Variants in PARD6G observed in about 807,000 individuals in gnomAD.
The protein encoded by PARD6G is partitioning defective 6 homolog gamma.
Under a neutral mutation model 10.7 loss-of-function variants are expected in PARD6G, and 7 were observed. The observed-to-expected ratio is 0.66, with a 90% CI of 0.37 to 1.23. The LOEUF is 1.23. Among genes scored for constraint, PARD6G ranks in the 50% most tolerant of loss-of-function variants. The pLI is 0.02. For missense variants in PARD6G, 548 were observed against 571.8 expected, an observed-to-expected ratio of 0.96 and a Z score of 0.42; for synonymous variants, 287 against 269.4, an observed-to-expected ratio of 1.07 and a Z score of -0.64.
rs142452881 is a variant in PARD6G at position 80,173,556 on chromosome 18, C to T, written c.296-12950G>A. 2.6e-3 allele frequency among the ~76,000 whole-genome samples: 394 copies of T among 151,878 alleles called. 10 individuals carry two copies. The highest frequency in any genetic ancestry group is 0.02 in the Admixed American group (303 of 15,224). The stretch of plus-strand genomic sequence containing the variant: ...AGGAAAATCGCTTGAACCCAGGAGG[C>T]GGAGGTTGCAGTGAGCCGAGATTGT... On this transcript the variant is annotated intron_variant, in intron 2 of 2. Coordinates refer to ENST00000353265, the MANE Select transcript of PARD6G (RefSeq NM_032510.4).
At chr18:80,178,658 G>A (rs2052830443) in intron 2 of PARD6G, among the ~76,000 whole-genome samples, 1 of 152,178 alleles carries the variant, frequency 6.6e-6, no homozygotes, top group Admixed American at 6.5e-5. Flanking sequence ...CACCCCAGAT[G>A]GTTCCTGCCA....
In PARD6G at chr18:80,208,457, C is replaced by T. The variant is rs148649669; in HGVS notation, c.73-5525G>A. Reference sequence around the variant, plus strand: ...ATTGTTTTTCATGTGGGTGTTTGTTCGTATAGCAGGACTTACAACAGGACG... The same window carrying T: ...ATTGTTTTTCATGTGGGTGTTTGTTTGTATAGCAGGACTTACAACAGGACG... On this transcript the variant is annotated intron_variant, in intron 1 of 2. Transcript: ENST00000353265. Among the ~76,000 whole-genome samples, 805 of 152,230 alleles carry T rather than the reference C, an allele frequency of 5.3e-3. 5 individuals carry two copies. The highest frequency in any genetic ancestry group is 0.01 in the Middle Eastern group (3 of 294).
rs549368499 is a variant in PARD6G, at chr18:80,159,562, A to T, written c.*209T>A. ...AGACCTGCACTCAGGCCTGGTATAG[A>T]GTGTCTCTACAGGCGTTCATTTTAA... On this transcript the variant is annotated 3_prime_UTR_variant, in exon 3 of 3. Transcript: ENST00000353265. 2.9e-6 allele frequency: 2 copies of T among 698,670 alleles called. No individual in the cohort carries two copies. The highest frequency in any genetic ancestry group is 5.7e-5 in the South Asian group (1 of 17,470). The allele number at this position is 698,670 out of a possible 1,614,324, so 43.3% of individuals were successfully genotyped here.
At position 80,202,777 on chromosome 18, in the gene PARD6G, A is replaced by G; in HGVS notation, c.228T>C (p.Asn76=). Residue 76 remains asparagine, a synonymous_variant, in exon 2 of 3, where the codon AAT becomes AAC. Transcript: ENST00000353265. ...DVHGDLLPIN[N]DDNFCKAVSS... is the part of the protein sequence containing the mutation. ...AAACCGCCTTGCAGAAGTTGTCATC[A>G]TTGTTGATGGGCAGCAGGTCTCCGT... The G allele has an allele frequency of 1.2e-6, 2 of 1,613,978 alleles. No individual in the cohort carries two copies. The highest frequency in any genetic ancestry group is 4.5e-5 in the East Asian group (2 of 44,870).
chr18:80,172,140 A>C lies in PARD6G; in HGVS notation c.296-11534T>G, dbSNP rs1317534156. Among the ~76,000 whole-genome samples, 3 of 152,114 alleles carry C rather than the reference A, an allele frequency of 2.0e-5. No homozygotes were observed. In the South Asian group the frequency reaches 6.2e-4, roughly 31 times the overall value. ...TTCTACAGCGGTTGAAACATTTTCT[A>C]TTCCCCCCAGCAGTTCTGAGGGTTA... On this transcript the variant is annotated intron_variant, in intron 2 of 2. Coordinates refer to ENST00000353265, the MANE Select transcript of PARD6G (RefSeq NM_032510.4).
At chr18:80,222,175 C>T (rs1288388362) in intron 1 of PARD6G, among the ~76,000 whole-genome samples, 3 of 152,052 alleles carry the variant, frequency 2.0e-5, no homozygotes, top group Admixed American at 6.5e-5. Context: ...GCCTCAACCT[C>T]CTGGGCTCAA....
chr18:80,216,005 T>G (rs1967161740), intron 1 of PARD6G, among the ~76,000 whole-genome samples: 3 of 152,094 alleles, frequency 2.0e-5, no homozygotes, highest in African/African-American at 7.2e-5. Context: ...AAAATAGACT[T>G]TAATGCAAGA....
chr18:80,193,842 A>G (rs891655097), intron 2 of PARD6G, among the ~76,000 whole-genome samples: 1 of 152,076 alleles, frequency 6.6e-6, no homozygotes, highest in Non-Finnish European at 1.5e-5. Flanking sequence ...AACGGCTCCA[A>G]CTCCAACAGC....
chr18:80,160,536 A>T lies in PARD6G; in HGVS notation c.366T>A (p.Arg122=). 6.6e-7 allele frequency: 1 copy of T among 1,505,192 alleles called. No homozygotes were observed. Among genetic ancestry groups the T allele is most frequent in the Non-Finnish European group, 8.9e-7 (1 of 1,128,622 alleles). 93.2% of individuals were successfully genotyped at this position (1,505,192 alleles called of 1,614,324 possible). A position where few individuals can be genotyped will look rare whatever the true frequency, so the allele number is the denominator to read the frequency against. ...CRRRRALGAL[R]DEGPRRRAHL... ...GTGCACGCCGCCGGGGTCCTTCATC[A>T]CGCAGCGCGCCCAGCGCCCGCCTCC... The change falls in exon 3 of 3, where the codon CGT becomes CGA. Residue 122 remains arginine, a synonymous_variant. Transcript: ENST00000353265.
Position 80,159,966 on chromosome 18 carries a change from G to A in PARD6G, c.936C>T (p.Pro312=). The part of the protein sequence containing the change: ...VIEGTLEPAR[P]PQTPGAPAGS... ...CTGCGGGCGCGCCCGGGGTCTGGGG[G>A]GGACGTGCAGGCTCCAGTGTGCCCT... Residue 312 remains proline (P), a synonymous_variant, in exon 3 of 3, where the codon CCC becomes CCT. Coordinates refer to ENST00000353265, the MANE Select transcript of PARD6G (RefSeq NM_032510.4). 6.7e-7 allele frequency: 1 copy of A among 1,497,122 alleles called. No homozygotes were observed. The highest frequency in any genetic ancestry group is 2.5e-5 in the Admixed American group (1 of 40,740). The allele number at this position is 1,497,122 out of a possible 1,614,324, so 92.7% of individuals were successfully genotyped here. A position where few individuals can be genotyped will look rare whatever the true frequency, so the allele number is the denominator to read the frequency against.
intron 1 of PARD6G, among the ~76,000 whole-genome samples, chr18:80,218,276 T>C (rs979583425): frequency 6.6e-6 from 1 of 152,018 alleles, no homozygotes; most frequent in Non-Finnish European, 1.5e-5. Flanking sequence ...CCTATGAGCC[T>C]GTAAAATCAA....
At chr18:80,206,584 T>A (rs1034897911) in intron 1 of PARD6G, among the ~76,000 whole-genome samples, 3 of 152,214 alleles carry the variant, frequency 2.0e-5, no homozygotes, top group African/African-American at 7.2e-5. Context: ...CAAAATAATT[T>A]TGAGAGACCA....
chr18:80,197,921 C>G lies in PARD6G; in HGVS notation c.295+4789G>C, dbSNP rs11661985. On this transcript the variant is annotated intron_variant, in intron 2 of 2. Transcript: ENST00000353265. ...TCCAGACCCTCTCATCGTGGCCAAT[C>G]CATTCTGGTAACTGCTGTTCTTCTC... is the stretch of plus-strand genomic sequence containing the variant. 6.5e-3 allele frequency among the ~76,000 whole-genome samples: 994 copies of G among 152,294 alleles called. 7 individuals are homozygous for G. The highest frequency in any genetic ancestry group is 9.4e-3 in the Non-Finnish European group (637 of 68,028).
rs555409225 is a variant in PARD6G at position 80,201,519 on chromosome 18, T to G, written c.295+1191A>C. ...GGCCACTGTGAGGAAGTGACAGCTG[T>G]GTTGACTTCTCAGCACCGTCAGCAG... On this transcript the variant is annotated intron_variant, in intron 2 of 2. Transcript: ENST00000353265. The surrounding 1 kb of genome is among the most constrained non-coding windows in gnomAD (Gnocchi z 5.9). Among the ~76,000 whole-genome samples the G allele has an allele frequency of 6.6e-6, 1 of 152,346 alleles. No individual in the cohort carries two copies. The highest frequency in any genetic ancestry group is 6.5e-5 in the Admixed American group (1 of 15,312).
Position 80,158,991 on chromosome 18 carries a change from A to ATT in PARD6G, c.*778_*779dup, listed in dbSNP as rs145797175. On this transcript the variant is annotated 3_prime_UTR_variant, in exon 3 of 3. Transcript: ENST00000353265. Reference sequence around the variant, plus strand: ...GTTGTACATGGACAGGTTTGGGTGTATTTTTTTTTTTTCCCGAGACAGAGT... The same window carrying ATT: ...GTTGTACATGGACAGGTTTGGGTGTATTTTTTTTTTTTTTCCCGAGACAGAGT... 6.8e-6 allele frequency: 1 copy of ATT among 146,780 alleles called. No individual in the cohort carries two copies. Among genetic ancestry groups the ATT allele is most frequent in the Non-Finnish European group, 1.5e-5 (1 of 66,794 alleles). 9.1% of individuals were successfully genotyped at this position (146,780 alleles called of 1,614,324 possible).
At position 80,200,518 on chromosome 18, in the gene PARD6G, G is replaced by A. The variant is rs1273758626; in HGVS notation, c.295+2192C>T. Among the ~76,000 whole-genome samples, 1 of 152,160 alleles carries A rather than the reference G, an allele frequency of 6.6e-6. No homozygotes were observed. The highest frequency in any genetic ancestry group is 1.5e-5 in the Non-Finnish European group (1 of 68,034). On this transcript the variant is annotated intron_variant, in intron 2 of 2. Transcript: ENST00000353265. The surrounding 1 kb of genome is among the most constrained non-coding windows in gnomAD (Gnocchi z 4.4). ...TAGAGCTCTGCGGGATGAGGCGTGT[G>A]TTTGTGTCACAAAGCCAGGGAGAAG...
At position 80,186,292 on chromosome 18, in the gene PARD6G, C is replaced by T. The variant is rs531458993; in HGVS notation, c.295+16418G>A. ...CATGCATACACCCTCACAAGGCTCACACACCGTCATGCACACATGCACCCT... is the reference window on the plus strand; with the variant it reads ...CATGCATACACCCTCACAAGGCTCATACACCGTCATGCACACATGCACCCT... On this transcript the variant is annotated intron_variant, in intron 2 of 2. Transcript: ENST00000353265. Among the ~76,000 whole-genome samples, 53 of 149,004 alleles carry T rather than the reference C, an allele frequency of 3.6e-4. No homozygotes were observed. In the East Asian group the frequency reaches 0.01, roughly 29 times the overall value.
Position 80,182,343 on chromosome 18 carries a change from G to T in PARD6G, c.295+20367C>A, listed in dbSNP as rs1356205749. On this transcript the variant is annotated intron_variant, in intron 2 of 2. Transcript: ENST00000353265. The surrounding 1 kb of genome is among the most constrained non-coding windows in gnomAD (Gnocchi z 4.5). Reference sequence around the variant, plus strand: ...CCTGCCCCCAGTATCCACAAGGAGGGACAAACTCTCACATGGACAGTGAGG... The same window carrying T: ...CCTGCCCCCAGTATCCACAAGGAGGTACAAACTCTCACATGGACAGTGAGG... Among the ~76,000 whole-genome samples the T allele has an allele frequency of 6.6e-6, 1 of 152,232 alleles. No individual in the cohort carries two copies. Among genetic ancestry groups the T allele is most frequent in the Non-Finnish European group, 1.5e-5 (1 of 68,048 alleles).
At chr18:80,207,380 T>C (rs1354741726) in intron 1 of PARD6G, among the ~76,000 whole-genome samples, 2 of 151,726 alleles carry the variant, frequency 1.3e-5, no homozygotes, top group Non-Finnish European at 2.9e-5. Context: ...TGGCTAGTGA[T>C]TATCAATAAA....
Sources: allele counts gnomAD v4.1 joint callset (sites outside exome capture counted in the v4.1 genomes callset), GRCh38; gene constraint gnomAD v4.1.1; non-coding constraint Gnocchi (gnomAD v3.1); transcripts MANE v1.5; gene names NCBI Gene and HGNC (gene_info 2026-07-23, HGNC 2026-07-21).